SOX5: variants seen among roughly 807,000 people sequenced by gnomAD.
SOX5 encodes transcription factor SOX-5.
In SOX5, 9 loss-of-function variants were observed where a neutral mutation model predicts 92.0. The observed-to-expected ratio is 0.10, with a 90% CI of 0.06 to 0.17. The LOEUF is 0.17. SOX5 is among the 10% of genes least tolerant of loss of function. The pLI, the probability that SOX5 is intolerant of heterozygous loss-of-function variation, is 1.00. For missense variants in SOX5, 642 were observed against 944.5 expected, an observed-to-expected ratio of 0.68 and a Z score of 4.20; for synonymous variants, 344 against 336.3, an observed-to-expected ratio of 1.02 and a Z score of -0.25.
At chr12:24,005,351 T>C (rs551910964) in intron 4 of SOX5, among the ~76,000 whole-genome samples, 2 of 152,276 alleles carry the variant, frequency 1.3e-5, no homozygotes, top group Admixed American at 6.5e-5. Context: ...TATTTTTTAG[T>C]AAAATAGTCT....
chr12:24,014,739 A>AT (rs751490271), intron 4 of SOX5, among the ~76,000 whole-genome samples: 1 of 152,220 alleles, frequency 6.6e-6, no homozygotes, highest in Non-Finnish European at 1.5e-5. Context: ...AACTGGACCC[A>AT]TAAGTAGCTT....
intron 1 of SOX5, among the ~76,000 whole-genome samples, chr12:24,400,788 A>T (rs1436259162): frequency 6.6e-6 from 1 of 152,212 alleles, no homozygotes; most frequent in Non-Finnish European, 1.5e-5. Flanking sequence ...GATACCAAAT[A>T]GGTTCAAATA....
At chr12:24,376,689 CCTTTTTTTTTTTTTT>C (rs1225717851) in intron 1 of SOX5, among the ~76,000 whole-genome samples, 56 of 93,108 alleles carry the variant, frequency 6.0e-4, no homozygotes, top group Admixed American at 2.0e-3. Flanking sequence ...GGGAGAGATA[CCTTTTTTTTTTTTTT>C]TTTTTTTTTT....
chr12:23,958,257 T>C (rs773414520), intron 4 of SOX5, among the ~76,000 whole-genome samples: 2 of 152,108 alleles, frequency 1.3e-5, no homozygotes, highest in African/African-American at 4.8e-5. Context: ...TGTTCTTATA[T>C]TGAGTGTGTG....
At position 23,996,345 on chromosome 12, in the gene SOX5, G is replaced by A. The variant is rs539243149; in HGVS notation, c.-1-100321C>T. Among the ~76,000 whole-genome samples the A allele has an allele frequency of 1.4e-3, 209 of 152,292 alleles. 1 individual carries two copies. The highest frequency in any genetic ancestry group is 2.4e-3 in the Non-Finnish European group (163 of 68,022). On this transcript the variant is annotated intron_variant, in intron 4 of 4. Transcript: ENST00000446891. Reference sequence around the variant, plus strand: ...AATAATAAAAATATGGAAATTTCATGTTGGTGAGCATGTGAAGAAATTGAA... The same window carrying A: ...AATAATAAAAATATGGAAATTTCATATTGGTGAGCATGTGAAGAAATTGAA...
intron 4 of SOX5, among the ~76,000 whole-genome samples, chr12:24,061,722 T>C (rs920868687): frequency 2.0e-5 from 3 of 147,624 alleles, no homozygotes; most frequent in African/African-American, 7.6e-5. Flanking sequence ...GATCACCATA[T>C]ACCTATTGCT....
At chr12:24,477,113 C>A (rs1019778386) in intron 1 of SOX5, among the ~76,000 whole-genome samples, 1 of 147,450 alleles carries the variant, frequency 6.8e-6, no homozygotes, top group African/African-American at 2.5e-5. Flanking sequence ...TATATAAATT[C>A]TAAGACTGAG....
chr12:23,654,484 C>CA (rs1427554789), intron 7 of SOX5, among the ~76,000 whole-genome samples: 4 of 151,990 alleles, frequency 2.6e-5, no homozygotes, highest in African/African-American at 9.7e-5. Context: ...AACATATAAT[C>CA]AAAACAAAAT....
intron 1 of SOX5, among the ~76,000 whole-genome samples, chr12:24,526,832 T>C (rs79962644): frequency 6.6e-6 from 1 of 152,046 alleles, no homozygotes; most frequent in South Asian, 2.1e-4. Flanking sequence ...TTTTTTTTTT[T>C]CTTAAGACAG....
intron 1 of SOX5, among the ~76,000 whole-genome samples, chr12:24,375,085 G>A (rs1017686137): frequency 2.0e-5 from 3 of 151,976 alleles, no homozygotes; most frequent in Non-Finnish European, 4.4e-5. Context: ...CCATTCTCCT[G>A]CCTCAGCCTC....
chr12:24,002,573 T>C, intron 4 of SOX5, among the ~76,000 whole-genome samples: 1 of 151,854 alleles, frequency 6.6e-6, no homozygotes. Flanking sequence ...GAATTAGTAA[T>C]TTTCTTACAC....
intron 3 of SOX5, among the ~76,000 whole-genome samples, chr12:24,264,464 C>T (rs1273939237): frequency 4.6e-5 from 7 of 152,062 alleles, no homozygotes; most frequent in African/African-American, 1.7e-4. Context: ...TTATTTAAAC[C>T]TCACCGTCTG....
At chr12:23,777,411 G>C (rs1347580743) in intron 3 of SOX5, among the ~76,000 whole-genome samples, 2 of 152,048 alleles carry the variant, frequency 1.3e-5, no homozygotes, top group Non-Finnish European at 2.9e-5. Flanking sequence ...AAGTTACAGG[G>C]AACTAGGAGT....
intron 1 of SOX5, among the ~76,000 whole-genome samples, chr12:24,416,707 T>C (rs891131814): frequency 6.6e-6 from 1 of 152,208 alleles, no homozygotes; most frequent in African/African-American, 2.4e-5. Flanking sequence ...TTATTTGTAC[T>C]TTGAGCGATG....
intron 6 of SOX5, among the ~76,000 whole-genome samples, chr12:23,715,105 C>T (rs2092386814): frequency 6.6e-6 from 1 of 152,030 alleles, no homozygotes; most frequent in South Asian, 2.1e-4. Flanking sequence ...CAAGACCATC[C>T]TGGCTAACAC....
At chr12:24,491,409 C>T (rs542378006) in intron 1 of SOX5, among the ~76,000 whole-genome samples, 3 of 151,970 alleles carry the variant, frequency 2.0e-5, no homozygotes, top group Admixed American at 6.6e-5. Context: ...CTGAACATCC[C>T]TCTCACACCT....
intron 1 of SOX5, among the ~76,000 whole-genome samples, chr12:23,927,234 G>C (rs1940202687): frequency 6.6e-6 from 1 of 151,978 alleles, no homozygotes; most frequent in South Asian, 2.1e-4. Flanking sequence ...CCATTCTGGG[G>C]GAGGCTCTTG....
At position 23,532,397 on chromosome 12, in the gene SOX5, A is replaced by ACAT. The variant is rs1385696431; in HGVS notation, c.*1819_*1821dup. ...TGATGACTGGAGTGAAAACTATAGCACATCAAGCTACTAGTTGCAGTATTT... is the reference window on the plus strand; with the variant it reads ...TGATGACTGGAGTGAAAACTATAGCACATCATCAAGCTACTAGTTGCAGTATTT... On this transcript the variant is annotated 3_prime_UTR_variant, in exon 15 of 15. Transcript: ENST00000451604. 2 of 152,210 alleles carry ACAT rather than the reference A, an allele frequency of 1.3e-5. No individual in the cohort carries two copies. The highest frequency in any genetic ancestry group is 2.4e-5 in the African/African-American group (1 of 41,452). 9.4% of individuals were successfully genotyped at this position (152,210 alleles called of 1,614,324 possible). A position where few individuals can be genotyped will look rare whatever the true frequency, so the allele number is the denominator to read the frequency against.
chr12:23,772,561 T>C (rs1197754092), intron 3 of SOX5, among the ~76,000 whole-genome samples: 2 of 152,228 alleles, frequency 1.3e-5, no homozygotes, highest in African/African-American at 4.8e-5. Context: ...CAGCTACTAA[T>C]TGAGAGCTAA....
Sources: gnomAD v4.1 joint callset for allele counts (sites outside exome capture counted in the v4.1 genomes callset) on GRCh38, gnomAD v4.1.1 for gene constraint, MANE v1.5 for transcripts, NCBI Gene and HGNC (gene_info 2026-07-23, HGNC 2026-07-21) for gene names.